TDRD3: variants seen among roughly 807,000 people sequenced by gnomAD.
The protein encoded by TDRD3 is tudor domain-containing protein 3.
In TDRD3, 45 loss-of-function variants were observed where a neutral mutation model predicts 86.7. That is an observed-to-expected ratio of 0.52 (90% CI 0.41 to 0.67). TDRD3 has a LOEUF of 0.67. TDRD3 is among the 30% of genes least tolerant of loss of function. The pLI is 0.00. For synonymous variants in TDRD3, 298 were observed against 301.7 expected (o/e 0.99, Z 0.13); for missense variants, 814 against 889.0 (o/e 0.92, Z 1.07).
chr13:60,493,214 G>A (rs558619310), intron 7 of TDRD3, among the ~76,000 whole-genome samples: 1 of 151,590 alleles, frequency 6.6e-6, no homozygotes, highest in South Asian at 2.1e-4. Context: ...CACCGCGCCC[G>A]GCCTCAAATA....
chr13:60,425,848 T>G (rs931517661), intron 1 of TDRD3, among the ~76,000 whole-genome samples: 1 of 152,138 alleles, frequency 6.6e-6, no homozygotes, highest in African/African-American at 2.4e-5. Flanking sequence ...GAACAGTAAA[T>G]ATGTTTTCCA....
intron 1 of TDRD3, among the ~76,000 whole-genome samples, chr13:60,437,338 C>T (rs922374694): frequency 1.3e-5 from 2 of 151,620 alleles, no homozygotes; most frequent in African/African-American, 4.8e-5. Context: ...GTTGCTCAGG[C>T]TGGTCTCAAA....
intron 8 of TDRD3, among the ~76,000 whole-genome samples, chr13:60,495,939 G>A (rs1956703518): frequency 6.6e-6 from 1 of 152,016 alleles, no homozygotes; most frequent in Admixed American, 6.6e-5. Flanking sequence ...GTGTCAACTT[G>A]ATTGGATTGA....
chr13:60,571,090 A>T lies in TDRD3; in HGVS notation c.*10-2526A>T, dbSNP rs566791237. ...GCAGATATTTTGGATTCCTGACATCAATAAAAAAAAATTGGTGGGGGACAG... is the reference window on the plus strand; with the variant it reads ...GCAGATATTTTGGATTCCTGACATCTATAAAAAAAAATTGGTGGGGGACAG... On this transcript the variant is annotated intron_variant, in intron 13 of 13. Coordinates refer to ENST00000377881, the MANE Select transcript of TDRD3 (RefSeq NM_001146070.2). Among the ~76,000 whole-genome samples, 47 of 152,344 alleles carry T rather than the reference A, an allele frequency of 3.1e-4. No individual in the cohort carries two copies. In the East Asian group the frequency reaches 8.3e-3, roughly 27 times the overall value.
At chr13:60,486,469 C>T (rs976174623) in intron 7 of TDRD3, among the ~76,000 whole-genome samples, 1 of 152,062 alleles carries the variant, frequency 6.6e-6, no homozygotes, top group African/African-American at 2.4e-5. Flanking sequence ...TCTATTTACA[C>T]ACACACAAAT....
At position 60,513,654 on chromosome 13, in the gene TDRD3, C is replaced by T. The variant is rs557225374; in HGVS notation, c.1141+2899C>T. ...TTGAATCATGAGGGCAAGTCTTTCC[C>T]GAGATGTTCTTGTGATAGTGTAAGT... On this transcript the variant is annotated intron_variant, in intron 10 of 13. Coordinates refer to ENST00000377881, the MANE Select transcript of TDRD3 (RefSeq NM_001146070.2). Among the ~76,000 whole-genome samples, 5 of 152,214 alleles carry T rather than the reference C, an allele frequency of 3.3e-5. No homozygotes were observed. The East Asian group carries it at 5.8e-4, about 18-fold the overall frequency.
intron 3 of TDRD3, among the ~76,000 whole-genome samples, chr13:60,457,646 G>A (rs1295517191): frequency 6.6e-6 from 1 of 152,158 alleles, no homozygotes; most frequent in East Asian, 1.9e-4. Flanking sequence ...CACAAACTTG[G>A]TGGCTATAAA....
chr13:60,541,716 CTTTTTTTTTTTTTTT>C (rs71199007), intron 12 of TDRD3, among the ~76,000 whole-genome samples: 736 of 41,052 alleles, frequency 0.018, 12 homozygotes, highest in Middle Eastern at 0.11. Flanking sequence ...TCAGCATAGT[CTTTTTTTTTTTTTTT>C]TTTTTTTTTT....
intron 8 of TDRD3, among the ~76,000 whole-genome samples, chr13:60,500,132 G>A (rs1015777805): frequency 6.6e-6 from 1 of 152,082 alleles, no homozygotes; most frequent in Non-Finnish European, 1.5e-5. Flanking sequence ...TTTGAGAGAC[G>A]GCTCTTGGCC....
chr13:60,460,709 A>G lies in TDRD3; in HGVS notation c.353+169A>G, dbSNP rs113375631. On this transcript the variant is annotated intron_variant, in intron 4 of 13. Transcript: ENST00000377881. Reference sequence around the variant, plus strand: ...ATTTCTGCTTCACCTGTATAAAAATAGTTAAGAATATATGGCCAGGCGTGG... The same window carrying G: ...ATTTCTGCTTCACCTGTATAAAAATGGTTAAGAATATATGGCCAGGCGTGG... The G allele has an allele frequency of 1.1e-3, 684 of 629,804 alleles. 7 individuals are homozygous for G. In the African/African-American group the frequency reaches 0.012, roughly 11 times the overall value. The allele number at this position is 629,804 out of a possible 1,614,324, so 39.0% of individuals were successfully genotyped here.
chr13:60,419,785 A>T (rs550510159), intron 1 of TDRD3, among the ~76,000 whole-genome samples: 1 of 152,244 alleles, frequency 6.6e-6, no homozygotes, highest in East Asian at 1.9e-4. Context: ...TGTATCCCAG[A>T]ACTTAAAGTA....
At chr13:60,504,417 A>G (rs575287482) in intron 8 of TDRD3, among the ~76,000 whole-genome samples, 14 of 152,336 alleles carry the variant, frequency 9.2e-5, no homozygotes, top group Admixed American at 8.5e-4. Flanking sequence ...ATCTAACTCC[A>G]TATGTCCCAG....
In TDRD3 at chr13:60,573,687, T is replaced by C. The variant is rs1183704117; in HGVS notation, c.*81T>C. 2.0e-6 allele frequency: 2 copies of C among 980,184 alleles called. No individual in the cohort carries two copies. Among genetic ancestry groups the C allele is most frequent in the African/African-American group, 3.5e-5 (2 of 57,154 alleles). The allele number at this position is 980,184 out of a possible 1,614,324, so 60.7% of individuals were successfully genotyped here. ...ACCTGTTGACAGACCTTCCACTTTC[T>C]CTTCAGAATAAGTAGCTGTGGTGGA... is the stretch of plus-strand genomic sequence containing the variant. On this transcript the variant is annotated 3_prime_UTR_variant, in exon 14 of 14. Coordinates refer to ENST00000377881, the MANE Select transcript of TDRD3 (RefSeq NM_001146070.2).
intron 12 of TDRD3, among the ~76,000 whole-genome samples, chr13:60,557,524 G>A (rs1244186454): frequency 6.6e-6 from 1 of 152,132 alleles, no homozygotes; most frequent in Non-Finnish European, 1.5e-5. Flanking sequence ...ACTATGGGTT[G>A]TTGGACATGA....
intron 5 of TDRD3, among the ~76,000 whole-genome samples, chr13:60,481,732 T>G (rs1180757734): frequency 6.6e-6 from 1 of 152,194 alleles, no homozygotes; most frequent in Admixed American, 6.5e-5. Flanking sequence ...CAGTTTCTCT[T>G]GACTAAATTT....
chr13:60,448,725 T>C (rs1298579846), intron 3 of TDRD3, among the ~76,000 whole-genome samples: 1 of 152,150 alleles, frequency 6.6e-6, no homozygotes, highest in Admixed American at 6.6e-5. Context: ...TATTACAAAG[T>C]CCTAGGACTG....
At chr13:60,555,919 C>A (rs904371979) in intron 12 of TDRD3, among the ~76,000 whole-genome samples, 24 of 148,182 alleles carry the variant, frequency 1.6e-4, no homozygotes, top group Admixed American at 6.7e-4. Flanking sequence ...GGCGCGATCT[C>A]GGCTCACTGC....
chr13:60,564,022 G>A (rs1029532807), intron 12 of TDRD3, among the ~76,000 whole-genome samples: 14 of 152,090 alleles, frequency 9.2e-5, no homozygotes, highest in African/African-American at 3.4e-4. Context: ...TTTATGTTTG[G>A]CGTCAATGAT....
At chr13:60,416,576 T>G (rs927692090) in intron 1 of TDRD3, among the ~76,000 whole-genome samples, 11 of 152,250 alleles carry the variant, frequency 7.2e-5, no homozygotes, top group Non-Finnish European at 1.5e-4. Context: ...GTTTAGCACA[T>G]GTATGACTGT....
Sources: allele counts gnomAD v4.1 joint callset (sites outside exome capture counted in the v4.1 genomes callset), GRCh38; gene constraint gnomAD v4.1.1; transcripts MANE v1.5; gene names NCBI Gene and HGNC (gene_info 2026-07-23, HGNC 2026-07-21).